Variants in RYR2 observed in about 807,000 individuals in gnomAD.
RYR2 encodes the protein cardiac muscle ryanodine receptor-calcium release channel.
In RYR2, 227 loss-of-function variants were observed where a neutral mutation model predicts 601.1. The ratio of observed to expected loss-of-function variants is 0.38; its 90% CI spans 0.34 to 0.42. The LOEUF (loss-of-function observed/expected upper bound fraction) is 0.42. RYR2 is among the 10% of genes least tolerant of loss of function. The probability of loss-of-function intolerance (pLI) is 1.00; values close to 1 mark genes in which losing one functional copy is unlikely to be tolerated. For missense variants in RYR2, 4,646 were observed against 6,156.5 expected, an observed-to-expected ratio of 0.75 and a Z score of 8.21; for synonymous variants, 2,223 against 2,175.1, an observed-to-expected ratio of 1.02 and a Z score of -0.61.
intron 29 of RYR2, among the ~76,000 whole-genome samples, chr1:237,577,608 C>T (rs1048369503): frequency 6.6e-6 from 1 of 151,166 alleles, no homozygotes; most frequent in East Asian, 1.9e-4. Flanking sequence ...AGCCAGAGAC[C>T]TCTAGAAATG....
intron 12 of RYR2, among the ~76,000 whole-genome samples, chr1:237,434,683 T>C (rs1278278722): frequency 6.6e-6 from 1 of 152,208 alleles, no homozygotes. Context: ...CTGTGTACAA[T>C]GAATAGAAGT....
chr1:237,829,014 C>T (rs546794118), intron 102 of RYR2, among the ~76,000 whole-genome samples: 132 of 152,256 alleles, frequency 8.7e-4, no homozygotes, highest in Non-Finnish European at 1.4e-3. Flanking sequence ...AAATTATATA[C>T]CAAGACTGAT....
chr1:237,171,987 G>C (rs1284384410), intron 1 of RYR2, among the ~76,000 whole-genome samples: 1 of 152,170 alleles, frequency 6.6e-6, no homozygotes, highest in Non-Finnish European at 1.5e-5. Flanking sequence ...CTTAACATCC[G>C]TGTCTGCTAA....
intron 17 of RYR2, among the ~76,000 whole-genome samples, chr1:237,477,492 A>G (rs1181264757): frequency 6.6e-6 from 1 of 152,214 alleles, no homozygotes; most frequent in Non-Finnish European, 1.5e-5. Flanking sequence ...CTTAAGTTTC[A>G]TTGTCAGGGA....
chr1:237,132,479 G>A (rs979511912), intron 1 of RYR2, among the ~76,000 whole-genome samples: 11 of 152,134 alleles, frequency 7.2e-5, no homozygotes, highest in African/African-American at 2.4e-4. Context: ...TTTCATTGTG[G>A]GCTAATTTGC....
chr1:237,779,090 T>C (rs1305116730), intron 88 of RYR2, among the ~76,000 whole-genome samples: 2 of 152,182 alleles, frequency 1.3e-5, no homozygotes, highest in Non-Finnish European at 2.9e-5. Flanking sequence ...TTCCTGGCCA[T>C]TGCTCACTGG....
Position 237,467,386 on chromosome 1 carries a change from T to C in RYR2, c.1613-1706T>C, listed in dbSNP as rs371353606. Among the ~76,000 whole-genome samples, 135 of 152,208 alleles carry C rather than the reference T, an allele frequency of 8.9e-4. 1 individual carries two copies. Among genetic ancestry groups the C allele is most frequent in the Middle Eastern group, 6.8e-3 (2 of 292 alleles). On this transcript the variant is annotated intron_variant, in intron 16 of 104. Transcript: ENST00000366574. ...TTTTCCCAGTTGCTATTGTTCTAAA[T>C]TGGGAACAGATATTCTTACAGAATA...
At chr1:237,287,446 A>T (rs1209500620) in intron 2 of RYR2, among the ~76,000 whole-genome samples, 1 of 152,166 alleles carries the variant, frequency 6.6e-6, no homozygotes, top group Non-Finnish European at 1.5e-5. Flanking sequence ...AACACTGATT[A>T]TTCTTAGGTT....
chr1:237,479,015 G>A (rs555583578), intron 17 of RYR2, among the ~76,000 whole-genome samples: 9 of 152,322 alleles, frequency 5.9e-5, no homozygotes, highest in African/African-American at 2.2e-4. Flanking sequence ...GTTTTCTGGA[G>A]GCTTCGTAAC....
intron 1 of RYR2, among the ~76,000 whole-genome samples, chr1:237,261,998 C>A (rs1475872359): frequency 2.6e-5 from 4 of 151,994 alleles, no homozygotes; most frequent in African/African-American, 9.7e-5. Context: ...GTTTATTAGG[C>A]AATTTAGCTC....
chr1:237,757,725 T>C lies in RYR2; in HGVS notation c.11274T>C (p.Thr3758=). The change falls in exon 82 of 105, where the codon ACT becomes ACC. Residue 3758 remains threonine, a synonymous_variant. Transcript: ENST00000366574. ...KGETGPMVAA[T]LKLGIAILNG... is the part of the protein sequence containing the mutation. Reference sequence around the variant, plus strand: ...AAACTGGACCAATGGTAGCAGCTACTCTGAAACTTGGAATTGCTATTTTAA... The same window carrying C: ...AAACTGGACCAATGGTAGCAGCTACCCTGAAACTTGGAATTGCTATTTTAA... The C allele has an allele frequency of 6.2e-7, 1 of 1,612,076 alleles. No individual in the cohort carries two copies. Among genetic ancestry groups the C allele is most frequent in the East Asian group, 2.2e-5 (1 of 44,812 alleles).
chr1:237,245,087 C>G (rs1294303063), intron 1 of RYR2, among the ~76,000 whole-genome samples: 1 of 152,010 alleles, frequency 6.6e-6, no homozygotes, highest in East Asian at 1.9e-4. Flanking sequence ...TGTGGTGGTG[C>G]ATGCCTGTAG....
chr1:237,788,175 C>T (rs1657890644), intron 92 of RYR2, 40 bp downstream of exon 92: 1 of 1,505,950 alleles, frequency 6.6e-7, no homozygotes, highest in South Asian at 1.2e-5. Context: ...TGATATAGTG[C>T]AATACCGTAA....
intron 79 of RYR2, among the ~76,000 whole-genome samples, chr1:237,741,436 A>C (rs1354030947): frequency 6.6e-6 from 1 of 152,126 alleles, no homozygotes; most frequent in Non-Finnish European, 1.5e-5. Flanking sequence ...CAAGCAGCAG[A>C]AATACGTGTA....
At chr1:237,082,387 T>C (rs537662955) in intron 1 of RYR2, among the ~76,000 whole-genome samples, 1 of 152,034 alleles carries the variant, frequency 6.6e-6, no homozygotes, top group South Asian at 2.1e-4. Context: ...TTTAATGGTC[T>C]GGAAATGAAG....
At chr1:237,480,839 T>TG (rs1661985818) in intron 17 of RYR2, among the ~76,000 whole-genome samples, 1 of 152,148 alleles carries the variant, frequency 6.6e-6, no homozygotes, top group South Asian at 2.1e-4. Context: ...GATAATGATG[T>TG]GATCCACCTT....
intron 1 of RYR2, among the ~76,000 whole-genome samples, chr1:237,082,532 T>TATATATAC (rs1486656661): frequency 9.2e-6 from 1 of 108,934 alleles, no homozygotes; most frequent in Non-Finnish European, 1.8e-5. Context: ...AACATATATA[T>TATATATAC]ATATATATAT....
chr1:237,638,495 A>G lies in RYR2; in HGVS notation c.6928+3A>G. ...TAGATTTGCTGTCTTCTGTAATGGT[A>G]GGACTTGATTTCTTGAGGTCTTTTG... On this transcript the variant is annotated splice_donor_region_variant and intron_variant, in intron 45 of 104. Coordinates refer to ENST00000366574, the MANE Select transcript of RYR2 (RefSeq NM_001035.3). 1 of 1,613,710 alleles carries G rather than the reference A, an allele frequency of 6.2e-7. No individual in the cohort carries two copies. The highest frequency in any genetic ancestry group is 8.5e-7 in the Non-Finnish European group (1 of 1,179,658).
At chr1:237,594,084 T>G (rs1675537535) in intron 33 of RYR2, among the ~76,000 whole-genome samples, 1 of 152,194 alleles carries the variant, frequency 6.6e-6, no homozygotes, top group South Asian at 2.1e-4. Flanking sequence ...TGAGGAGAAG[T>G]GGGTTCTTTC....
Sources: gnomAD v4.1 joint callset for allele counts (sites outside exome capture counted in the v4.1 genomes callset) on GRCh38, gnomAD v4.1.1 for gene constraint, MANE v1.5 for transcripts, NCBI Gene and HGNC (gene_info 2026-07-23, HGNC 2026-07-21) for gene names.